RBFOX1: variants seen among roughly 807,000 people sequenced by gnomAD.
RBFOX1 encodes RNA binding fox-1 homolog 1, also known as RNA binding protein fox-1 homolog 1.
RBFOX1 carries 8 observed loss-of-function variants against 57.7 expected under a neutral mutation model. The ratio of observed to expected loss-of-function variants is 0.14; its 90% CI spans 0.08 to 0.25. The LOEUF (loss-of-function observed/expected upper bound fraction) is 0.25, where lower values mean the gene tolerates loss of function less well. Ranked by LOEUF, RBFOX1 falls within the 10% of genes least tolerant of loss-of-function variation. RBFOX1 has a pLI of 1.00. For missense variants in RBFOX1, 611 were observed against 548.5 expected, an observed-to-expected ratio of 1.11 and a Z score of -1.14; for synonymous variants, 326 against 222.4, an observed-to-expected ratio of 1.47 and a Z score of -4.15.
At chr16:6,212,468 G>A (rs541436996) in intron 1 of RBFOX1, among the ~76,000 whole-genome samples, 3 of 152,238 alleles carry the variant, frequency 2.0e-5, no homozygotes, top group East Asian at 3.9e-4. Context: ...CACTTTGGGA[G>A]GCCGAGGTGG....
rs5815414 is a variant in RBFOX1 at position 7,582,026 on chromosome 16, ACCC to A, written c.414+2117_414+2119del. On this transcript the variant is annotated intron_variant, in intron 6 of 15. Transcript: ENST00000550418. ...ATGTGAGCTATTGCACCCATCCAGC[ACCC>A]CCCCCCCCCCTTTTTTTTGTGACAA... Among the ~76,000 whole-genome samples the A allele has an allele frequency of 5.4e-5, 8 of 146,822 alleles. No individual in the cohort carries two copies. In the East Asian group the frequency reaches 6.2e-4, roughly 11 times the overall value.
chr16:7,322,180 C>G (rs992886512), intron 4 of RBFOX1, among the ~76,000 whole-genome samples: 1 of 152,214 alleles, frequency 6.6e-6, no homozygotes, highest in East Asian at 1.9e-4. Context: ...GAGAAGCCAT[C>G]TCCTGTTCTG....
intron 2 of RBFOX1, among the ~76,000 whole-genome samples, chr16:6,537,029 C>A (rs982098603): frequency 7.9e-5 from 12 of 152,262 alleles, no homozygotes; most frequent in African/African-American, 2.6e-4. Flanking sequence ...GTCCTACGTA[C>A]GGTAGGAAGA....
chr16:5,888,622 C>G (rs984470774), intron 4 of RBFOX1, among the ~76,000 whole-genome samples: 3 of 151,908 alleles, frequency 2.0e-5, no homozygotes, highest in African/African-American at 7.3e-5. Context: ...ATGGGGAAAC[C>G]TCGTCTCTAC....
intron 4 of RBFOX1, among the ~76,000 whole-genome samples, chr16:5,961,483 AAAAC>A (rs565513752): frequency 5.2e-5 from 7 of 135,104 alleles, no homozygotes; most frequent in Non-Finnish European, 8.2e-5. Flanking sequence ...TTGTTTAAAA[AAAAC>A]AAAACAAAAC....
chr16:7,191,449 A>G (rs17737992), intron 4 of RBFOX1, among the ~76,000 whole-genome samples: 39,885 of 152,080 alleles, frequency 0.26, 5,932 homozygotes, highest in African/African-American at 0.4. Context: ...GTAACACATC[A>G]TTTAATGAAT....
chr16:6,043,416 C>A (rs1462226416), intron 1 of RBFOX1, among the ~76,000 whole-genome samples: 1 of 152,156 alleles, frequency 6.6e-6, no homozygotes, highest in Non-Finnish European at 1.5e-5. Flanking sequence ...ATTTTGATTT[C>A]CTTCAGAGTC....
chr16:7,129,636 G>A (rs1011379395), intron 4 of RBFOX1, among the ~76,000 whole-genome samples: 1 of 152,092 alleles, frequency 6.6e-6, no homozygotes, highest in Admixed American at 6.5e-5. Context: ...AGATCATGAG[G>A]AGGATAATGT....
At chr16:5,660,505 T>A (rs1358937668) in intron 3 of RBFOX1, among the ~76,000 whole-genome samples, 2 of 152,198 alleles carry the variant, frequency 1.3e-5, no homozygotes, top group African/African-American at 2.4e-5. Flanking sequence ...ACGTTGTGTG[T>A]GATGCGTTCT....
intron 2 of RBFOX1, among the ~76,000 whole-genome samples, chr16:5,490,957 T>C (rs554435567): frequency 7.6e-4 from 115 of 152,200 alleles, no homozygotes; most frequent in African/African-American, 2.8e-3. Context: ...AGATAATGTA[T>C]ATACATTTAT....
chr16:6,492,404 C>T (rs963177586), intron 2 of RBFOX1, among the ~76,000 whole-genome samples: 4 of 152,180 alleles, frequency 2.6e-5, no homozygotes, highest in Admixed American at 1.3e-4. Flanking sequence ...CTCGTCTCTA[C>T]TAAAAATACA....
At chr16:5,855,357 T>C (rs961422961) in intron 3 of RBFOX1, among the ~76,000 whole-genome samples, 2 of 152,184 alleles carry the variant, frequency 1.3e-5, no homozygotes, top group Non-Finnish European at 2.9e-5. Context: ...ACGGTTCAAG[T>C]CTTATGTTTG....
intron 9 of RBFOX1, among the ~76,000 whole-genome samples, chr16:7,606,704 T>A (rs1400514152): frequency 6.6e-6 from 1 of 152,222 alleles, no homozygotes; most frequent in East Asian, 1.9e-4. Context: ...TTAGATATCA[T>A]ACATTGATTA....
At chr16:7,448,929 T>TTTTTG (rs2150134436) in intron 4 of RBFOX1, among the ~76,000 whole-genome samples, 1 of 133,414 alleles carries the variant, frequency 7.5e-6, no homozygotes, top group East Asian at 2.2e-4. Flanking sequence ...TTTCCCCTGT[T>TTTTTG]TTTTTTTTTT....
intron 2 of RBFOX1, among the ~76,000 whole-genome samples, chr16:6,558,387 AGAG>A (rs1365639975): frequency 6.6e-6 from 1 of 152,316 alleles, no homozygotes; most frequent in Non-Finnish European, 1.5e-5. Flanking sequence ...TCTTTTAGAA[AGAG>A]GAGAAGAGTT....
chr16:7,281,677 A>C (rs963716540), intron 4 of RBFOX1, among the ~76,000 whole-genome samples: 4 of 152,110 alleles, frequency 2.6e-5, no homozygotes, highest in African/African-American at 9.7e-5. Flanking sequence ...ACTGAGAGCA[A>C]TATGCAAATC....
intron 4 of RBFOX1, among the ~76,000 whole-genome samples, chr16:5,954,746 G>A (rs1416632379): frequency 6.6e-6 from 1 of 152,066 alleles, no homozygotes; most frequent in African/African-American, 2.4e-5. Context: ...CCGGCACTTG[G>A]CCAAATTGCA....
Position 5,733,362 on chromosome 16 carries a change from C to T in RBFOX1, c.319-133941C>T, listed in dbSNP as rs372526907. Among the ~76,000 whole-genome samples the T allele has an allele frequency of 9.2e-5, 14 of 152,244 alleles. No homozygotes were observed. The East Asian group carries it at 1.7e-3, about 19-fold the overall frequency. On this transcript the variant is annotated intron_variant, in intron 3 of 19. Transcript: ENST00000641259. The stretch of plus-strand genomic sequence containing the variant: ...TGGCAGCCATGGGGGTCCAGGAAGG[C>T]CACTGGGGAAGCAACTTACCATGAT...
At chr16:5,561,915 C>T (rs1240909328) in intron 2 of RBFOX1, among the ~76,000 whole-genome samples, 1 of 152,126 alleles carries the variant, frequency 6.6e-6, no homozygotes, top group Non-Finnish European at 1.5e-5. Context: ...AAATGGAGTC[C>T]ACCCAAGATA....
Sources: gnomAD v4.1 joint callset for allele counts (sites outside exome capture counted in the v4.1 genomes callset) on GRCh38, gnomAD v4.1.1 for gene constraint, MANE v1.5 for transcripts, NCBI Gene and HGNC (gene_info 2026-07-23, HGNC 2026-07-21) for gene names.